The following EVC variants were observed in gnomAD, a reference collection of about 807,000 sequenced individuals.
EVC encodes the protein evC complex member EVC.
EVC carries 116 observed loss-of-function variants against 118.9 expected under a neutral mutation model. That is an observed-to-expected ratio of 0.98 (90% confidence interval 0.84 to 1.14). EVC has a LOEUF of 1.14. EVC is among the 50% of genes most tolerant of loss of function. EVC has a pLI of 0.00. For missense variants in EVC, 1,401 were observed against 1,246.4 expected (o/e 1.12, Z -1.87); for synonymous variants, 619 against 534.7 (o/e 1.16, Z -2.18).
intron 5 of EVC, among the ~76,000 whole-genome samples, chr4:5,734,465 C>A (rs1166455334): frequency 6.6e-6 from 1 of 151,880 alleles, no homozygotes; most frequent in Non-Finnish European, 1.5e-5. Context: ...CATGGCAAAA[C>A]CCTATCTCTA....
chr4:5,783,563 C>G lies in EVC; in HGVS notation c.1575C>G (p.Phe525Leu), dbSNP rs1735953364. The G allele has an allele frequency of 1.2e-6, 2 of 1,614,066 alleles. No individual in the cohort carries two copies. Among genetic ancestry groups the G allele is most frequent in the East Asian group, 2.2e-5 (1 of 44,886 alleles). Residue 525 changes from phenylalanine (F) to leucine (L), a missense_variant, in exon 12 of 21, where the codon TTC (phenylalanine) becomes TTG (leucine). Phe to Leu is a conservative substitution (Grantham distance 22). Transcript: ENST00000264956. ...GTTCTCCGCTCCAGGAGCTGTACTT[C>G]AGCACCGTGGACACTTTCCAGAAGT... ...AVVALCQELY[F>L]STVDTFQKFV...
At chr4:5,825,099 G>A in the EVC span, 4 of 985,410 alleles carry the variant, frequency 4.1e-6, no homozygotes, top group East Asian at 2.3e-4. This position sits in a 1 kb window ranked among gnomAD's most constrained non-coding sequence, Gnocchi z 4.4. Context: ...TGGGTGAACA[G>A]GCTAAAGACT....
At position 5,731,585 on chromosome 4, in the gene EVC, C is replaced by G; in HGVS notation, c.545C>G (p.Thr182Ser). 6.2e-7 allele frequency: 1 copy of G among 1,614,132 alleles called. No homozygotes were observed. The highest frequency in any genetic ancestry group is 8.5e-7 in the Non-Finnish European group (1 of 1,180,028). ...CSSSSSVHSA[T>S]SDDRFLSRTF... The stretch of plus-strand genomic sequence containing the variant: ...TCCTCATCCAGCGTCCACTCGGCCA[C>G]CAGCGATGACAGGTTTCTCAGCCGC... The change falls in exon 4 of 21, where the codon ACC (threonine) becomes AGC (serine). Residue 182 changes from threonine to serine, a missense_variant. Coordinates refer to ENST00000264956, the MANE Select transcript of EVC (RefSeq NM_153717.3). This position sits in a 1 kb window ranked among gnomAD's most constrained non-coding sequence, Gnocchi z 5.6.
the EVC span, among the ~76,000 whole-genome samples, chr4:5,827,176 C>A: frequency 4.6e-5 from 7 of 152,148 alleles, no homozygotes; most frequent in Admixed American, 2.0e-4. Context: ...AGATATCTGC[C>A]CTCACGGAAG....
intron 5 of EVC, among the ~76,000 whole-genome samples, chr4:5,736,224 C>A (rs1727651888): frequency 6.6e-6 from 1 of 152,110 alleles, no homozygotes; most frequent in African/African-American, 2.4e-5. Flanking sequence ...TAGAATATTA[C>A]TTTGATTGTG....
At chr4:5,801,499 C>A (rs1311530627) in intron 15 of EVC, among the ~76,000 whole-genome samples, 1 of 151,950 alleles carries the variant, frequency 6.6e-6, no homozygotes, top group Non-Finnish European at 1.5e-5. Flanking sequence ...GCCAACATGG[C>A]AAAACCCCAT....
At chr4:5,713,135 G>A (rs1357557175) in intron 1 of EVC, among the ~76,000 whole-genome samples, 1 of 152,196 alleles carries the variant, frequency 6.6e-6, no homozygotes, top group African/African-American at 2.4e-5. Context: ...CAAGCCATCT[G>A]GGTTTGCACA....
chr4:5,827,719 A>G, the EVC span, among the ~76,000 whole-genome samples: 4 of 142,052 alleles, frequency 2.8e-5, no homozygotes, highest in Non-Finnish European at 5.9e-5. Flanking sequence ...ATAGACATAC[A>G]CACATGTGCG....
rs116816567 is a variant in EVC at position 5,753,305 on chromosome 4, C to T, written c.1315+253C>T. ...TGCTGCACTCACTCACCAGGGATTCCGGCTGATTGAGTCCCCACGTCCTGC... is the reference window on the plus strand; with the variant it reads ...TGCTGCACTCACTCACCAGGGATTCTGGCTGATTGAGTCCCCACGTCCTGC... On this transcript the variant is annotated intron_variant, in intron 9 of 20. Transcript: ENST00000264956. Among the ~76,000 whole-genome samples the T allele has an allele frequency of 0.017, 2,663 of 152,324 alleles. 37 individuals carry two copies. The highest frequency in any genetic ancestry group is 0.027 in the Non-Finnish European group (1,824 of 68,026).
chr4:5,826,662 A>G, the EVC span: 1 of 152,334 alleles, frequency 6.6e-6, no homozygotes, highest in South Asian at 2.1e-4. Flanking sequence ...TGCTCCAGGC[A>G]CTGGAGAACA....
At chr4:5,715,228 C>T (rs1296760523) in intron 1 of EVC, among the ~76,000 whole-genome samples, 1 of 152,184 alleles carries the variant, frequency 6.6e-6, no homozygotes, top group East Asian at 1.9e-4. Context: ...TCCATTTTAT[C>T]TTCTTGAGAA....
In EVC at chr4:5,754,330, G is replaced by A. The variant is rs928351139; in HGVS notation, c.1464+397G>A. Among the ~76,000 whole-genome samples the A allele has an allele frequency of 5.3e-5, 8 of 152,120 alleles. No homozygotes were observed. Among genetic ancestry groups the A allele is most frequent in the African/African-American group, 9.7e-5 (4 of 41,416 alleles). ...CCCAGGGACAGGGCCCTTGTGGGTC[G>A]GCTGCAAGTCCAGGAGAAGGAAGGG... On this transcript the variant is annotated intron_variant, in intron 10 of 20. Transcript: ENST00000264956. This position sits in a 1 kb window ranked among gnomAD's most constrained non-coding sequence, Gnocchi z 5.8.
chr4:5,814,603 CAG>C (rs1717392939), downstream of EVC, among the ~76,000 whole-genome samples: 1 of 152,162 alleles, frequency 6.6e-6, no homozygotes, highest in Admixed American at 6.5e-5. Context: ...CCATGAGGCT[CAG>C]AGAGGTCTAG....
chr4:5,780,677 A>G (rs577638956), intron 11 of EVC, among the ~76,000 whole-genome samples: 2 of 152,320 alleles, frequency 1.3e-5, no homozygotes, highest in African/African-American at 2.4e-5. Context: ...CAATCATACA[A>G]CCAGTGCCTG....
In EVC at chr4:5,711,457, C is replaced by T. The variant is rs1035520087; in HGVS notation, c.77C>T (p.Ala26Val). 20 of 1,040,224 alleles carry T rather than the reference C, an allele frequency of 1.9e-5. No individual in the cohort carries two copies. The African/African-American group carries it at 2.9e-4, about 15-fold the overall frequency. The allele number at this position is 1,040,224 out of a possible 1,614,324, so 64.4% of individuals were successfully genotyped here. A position where few individuals can be genotyped will look rare whatever the true frequency, so the allele number is the denominator to read the frequency against. Residue 26 changes from alanine (A) to valine (V), a missense_variant, in exon 1 of 21, where the codon GCC becomes GTC. Ala to Val is a moderately conservative substitution (Grantham distance 64, BLOSUM62 0). Coordinates refer to ENST00000264956, the MANE Select transcript of EVC (RefSeq NM_153717.3). ...CGGGACGCGCTGCGGCCGGCGCCCG[C>T]CCTGCTGGCCCCCGCCGTGCTGCTG... ...LGRDALRPAPALLAPAVLLGA... is the reference protein window; with the variant it reads ...LGRDALRPAPVLLAPAVLLGA...
chr4:5,765,789 A>G (rs1363286091), intron 11 of EVC, among the ~76,000 whole-genome samples: 1 of 150,256 alleles, frequency 6.7e-6, no homozygotes, highest in Admixed American at 6.6e-5. Flanking sequence ...TTTTGAGCCT[A>G]TGTGTGTGTC....
chr4:5,817,369 G>A (rs1717874983), downstream of EVC, among the ~76,000 whole-genome samples: 1 of 152,142 alleles, frequency 6.6e-6, no homozygotes, highest in Admixed American at 6.5e-5. Flanking sequence ...ATAATGGATA[G>A]CCAGGCTGCC....
intron 13 of EVC, among the ~76,000 whole-genome samples, chr4:5,794,337 A>ATATATATT (rs1713458757): frequency 2.7e-5 from 3 of 110,820 alleles, no homozygotes; most frequent in Admixed American, 1.1e-4. Flanking sequence ...ATATATATTT[A>ATATATATT]TATACTTATA....
At chr4:5,771,229 C>T (rs897526044) in intron 11 of EVC, among the ~76,000 whole-genome samples, 1 of 152,086 alleles carries the variant, frequency 6.6e-6, no homozygotes, top group Admixed American at 6.5e-5. Flanking sequence ...CTGACTCCTC[C>T]TGGAGGCTCC....
Sources: allele counts gnomAD v4.1 joint callset (sites outside exome capture counted in the v4.1 genomes callset), GRCh38; gene constraint gnomAD v4.1.1; non-coding constraint Gnocchi (gnomAD v3.1); transcripts MANE v1.5; gene names NCBI Gene and HGNC (gene_info 2026-07-23, HGNC 2026-07-21).